Variants in INPP5B observed in about 807,000 individuals in gnomAD.
INPP5B encodes the protein type II inositol 1,4,5-trisphosphate 5-phosphatase.
Under a neutral mutation model 118.5 loss-of-function variants are expected in INPP5B, and 90 were observed. The observed-to-expected ratio is 0.76, with a 90% CI of 0.64 to 0.90. The LOEUF (loss-of-function observed/expected upper bound fraction) is 0.90. Among genes scored for constraint, INPP5B ranks in the 40% least tolerant of loss-of-function variants. INPP5B has a pLI of 0.00. For synonymous variants in INPP5B, 385 were observed against 418.9 expected, an observed-to-expected ratio of 0.92 and a Z score of 0.99; for missense variants, 984 against 1,125.6, an observed-to-expected ratio of 0.87 and a Z score of 1.80.
chr1:37,932,375 T>C (rs1224372029), intron 6 of INPP5B, among the ~76,000 whole-genome samples: 1 of 142,246 alleles, frequency 7.0e-6, no homozygotes, highest in Non-Finnish European at 1.5e-5. Flanking sequence ...TTTTTTTTTT[T>C]TTTTTTTTTT....
rs144607795 is a variant in INPP5B at position 37,933,142 on chromosome 1, G to A, written c.392-1089C>T. ...AGACACAGCTTTTAAGTTGTCTTCA[G>A]CATTTACATACTATTAACCCATACT... is the stretch of plus-strand genomic sequence containing the variant. On this transcript the variant is annotated intron_variant, in intron 6 of 23. Coordinates refer to ENST00000373024, the MANE Select transcript of INPP5B (RefSeq NM_005540.3). 6.2e-3 allele frequency among the ~76,000 whole-genome samples: 949 copies of A among 152,278 alleles called. 12 individuals carry two copies. The highest frequency in any genetic ancestry group is 7.0e-3 in the Non-Finnish European group (473 of 68,030).
chr1:37,908,253 G>C (rs192777235), intron 7 of INPP5B, among the ~76,000 whole-genome samples: 86 of 152,128 alleles, frequency 5.7e-4, no homozygotes, highest in African/African-American at 2.0e-3. Context: ...CCAGTCCCCT[G>C]TCTTCGCCCT....
At position 37,889,553 on chromosome 1, in the gene INPP5B, C is replaced by CT; in HGVS notation, c.797+3dup. On this transcript the variant is annotated splice_donor_region_variant and intron_variant, in intron 9 of 23. Transcript: ENST00000373024. The stretch of plus-strand genomic sequence containing the variant: ...TGAAAACATCCTAGAACCCAGTTAG[C>CT]TACCTGAAGTTCTGGATATAGGTGT... 2 of 1,607,636 alleles carry CT rather than the reference C, an allele frequency of 1.2e-6. No individual in the cohort carries two copies. Among genetic ancestry groups the CT allele is most frequent in the Non-Finnish European group, 1.7e-6 (2 of 1,176,844 alleles).
Position 37,862,369 on chromosome 1 carries a change from T to C in INPP5B, c.2688A>G (p.Thr896=), listed in dbSNP as rs1370231955. The change falls in exon 24 of 24, where the codon ACA becomes ACG. Residue 896 remains threonine (T), a synonymous_variant. Transcript: ENST00000373024. ...TAAATTCTTGAGCCTTCTTCTTCTCTGTCATATCAAGCTTTTGGTGACCAG... is the reference window on the plus strand; with the variant it reads ...TAAATTCTTGAGCCTTCTTCTTCTCCGTCATATCAAGCTTTTGGTGACCAG... ...NPAGHQKLDM[T]EKKKAQEFIH... The C allele has an allele frequency of 6.2e-7, 1 of 1,614,072 alleles. No individual in the cohort carries two copies. Among genetic ancestry groups the C allele is most frequent in the South Asian group, 1.1e-5 (1 of 91,082 alleles).
intron 13 of INPP5B, chr1:37,883,569 A>G: frequency 1.0e-6 from 1 of 985,436 alleles, no homozygotes; most frequent in Non-Finnish European, 1.2e-6. Context: ...GCCAACAACC[A>G]TGTCATTAGA....
At chr1:37,925,327 A>T (rs373894833) in intron 7 of INPP5B, among the ~76,000 whole-genome samples, 2 of 152,198 alleles carry the variant, frequency 1.3e-5, no homozygotes, top group East Asian at 3.8e-4. Context: ...TCCAAGAAAG[A>T]AAGTCTCTTC....
At chr1:37,941,958 A>AAAAAAAAATATATAT (rs1427344681) in intron 5 of INPP5B, 3 of 30,384 alleles carry the variant, frequency 9.9e-5, no homozygotes, top group Admixed American at 9.1e-4. Flanking sequence ...AAAAAAAAAA[A>AAAAAAAAATATATAT]ATATATATAT....
In INPP5B at chr1:37,943,431, G is replaced by C. The variant is rs28380108; in HGVS notation, c.280+209C>G. On this transcript the variant is annotated intron_variant, in intron 5 of 23. Coordinates refer to ENST00000373024, the MANE Select transcript of INPP5B (RefSeq NM_005540.3). ...AGCGTGTGCAGGGGCTCCGGGGTGA[G>C]AATGTGTGTTATCGGGGGAGACGGA... is the stretch of plus-strand genomic sequence containing the variant. Among the ~76,000 whole-genome samples the C allele has an allele frequency of 0.35, 52,958 of 151,934 alleles. 10,805 individuals carry two copies. Among genetic ancestry groups the C allele is most frequent in the Non-Finnish European group, 0.45 (30,861 of 67,930 alleles).
intron 6 of INPP5B, among the ~76,000 whole-genome samples, chr1:37,937,548 C>T (rs1032065018): frequency 6.6e-6 from 1 of 151,756 alleles, no homozygotes; most frequent in Non-Finnish European, 1.5e-5. Context: ...GGGCGGATCA[C>T]CTGAGGTCAG....
rs150614531 is a variant in INPP5B, at chr1:37,938,528, C to T, written c.391+2160G>A. Among the ~76,000 whole-genome samples the T allele has an allele frequency of 5.0e-3, 763 of 152,166 alleles. 4 individuals are homozygous for T. The highest frequency in any genetic ancestry group is 0.018 in the African/African-American group (734 of 41,530). On this transcript the variant is annotated intron_variant, in intron 6 of 23. Transcript: ENST00000373024. ...CAACCCATGAATAAGGTATTCATTA[C>T]ATACAGAAGCCTACAAAAACTAAAG... is the stretch of plus-strand genomic sequence containing the variant.
intron 7 of INPP5B, among the ~76,000 whole-genome samples, chr1:37,909,556 G>A (rs1042142879): frequency 3.3e-5 from 5 of 152,000 alleles, no homozygotes; most frequent in South Asian, 2.1e-4. Context: ...ATCAGTTAGC[G>A]TTTAGGCTCT....
chr1:37,931,715 C>G (rs199679630), intron 7 of INPP5B, 198 bp downstream of exon 7: 27 of 1,554,376 alleles, frequency 1.7e-5, no homozygotes, highest in Non-Finnish European at 2.2e-5. Flanking sequence ...GCAGACATTT[C>G]CCTGCCTGCT....
intron 7 of INPP5B, among the ~76,000 whole-genome samples, chr1:37,895,487 C>T (rs543527363): frequency 7.0e-4 from 107 of 151,840 alleles, no homozygotes; most frequent in African/African-American, 2.5e-3. Context: ...CCCTCTCCCT[C>T]TCCCCCTCCC....
At chr1:37,883,321 C>T in intron 13 of INPP5B, 1 of 985,472 alleles carries the variant, frequency 1.0e-6, no homozygotes, top group South Asian at 4.7e-5. Flanking sequence ...GTGTATACTG[C>T]AACCCACAAA....
chr1:37,939,513 C>T (rs1211515415), intron 6 of INPP5B, among the ~76,000 whole-genome samples: 5 of 144,144 alleles, frequency 3.5e-5, no homozygotes, highest in Admixed American at 7.0e-5. Flanking sequence ...GGCGCAATCT[C>T]GGCTTACTGC....
chr1:37,885,657 G>A lies in INPP5B; in HGVS notation c.1300C>T (p.Leu434Phe), dbSNP rs762807261. 6 of 1,613,854 alleles carry A rather than the reference G, an allele frequency of 3.7e-6. No individual in the cohort carries two copies. Among genetic ancestry groups the A allele is most frequent in the Non-Finnish European group, 5.1e-6 (6 of 1,179,986 alleles). ...FCQPDPSLPPLTISNHDVILW... is the reference protein window; with the variant it reads ...FCQPDPSLPPFTISNHDVILW... ...ACTCACTCATGGTTGCTGATGGTGA[G>A]AGGGGGAAGGCTTGGGTCAGGCTGA... The change falls in exon 13 of 24, where the codon CTC (leucine) becomes TTC (phenylalanine). Residue 434 changes from leucine (L) to phenylalanine (F), a missense_variant. Around this residue, in one of 2 missense-constraint regions of INPP5B, gnomAD observed 634 missense variants for 791.0 expected, o/e 0.80. Coordinates refer to ENST00000373024, the MANE Select transcript of INPP5B (RefSeq NM_005540.3).
chr1:37,942,782 G>A, intron 5 of INPP5B, among the ~76,000 whole-genome samples: 1 of 151,926 alleles, frequency 6.6e-6, no homozygotes, highest in Non-Finnish European at 1.5e-5. Context: ...GGTGGCGGGT[G>A]CCTGTAATCC....
At chr1:37,926,055 C>T (rs1312704125) in intron 7 of INPP5B, among the ~76,000 whole-genome samples, 4 of 152,152 alleles carry the variant, frequency 2.6e-5, no homozygotes, top group African/African-American at 9.7e-5. Flanking sequence ...CCTATTAGTA[C>T]TGACAAAACA....
chr1:37,931,753 T>C, intron 7 of INPP5B, 160 bp downstream of exon 7: 1 of 1,600,638 alleles, frequency 6.2e-7, no homozygotes, highest in Admixed American at 1.7e-5. Context: ...CCGCCGCCCG[T>C]CCCGCGCGCT....
Sources: allele counts gnomAD v4.1 joint callset (sites outside exome capture counted in the v4.1 genomes callset), GRCh38; gene constraint gnomAD v4.1.1; regional missense constraint gnomAD v4.1.1; transcripts MANE v1.5; gene names NCBI Gene and HGNC (gene_info 2026-07-23, HGNC 2026-07-21).